Variants in SHLD2 observed in about 807,000 individuals in gnomAD.
SHLD2 encodes shieldin complex subunit 2.
A neutral mutation model predicts 73.2 loss-of-function variants in SHLD2; 30 were observed. That is an observed-to-expected ratio of 0.41 (90% CI 0.31 to 0.56). SHLD2 has a LOEUF of 0.56. Ranked by LOEUF, SHLD2 falls within the 20% of genes least tolerant of loss-of-function variation. SHLD2 has a pLI of 0.28. For synonymous variants in SHLD2, 285 were observed against 370.1 expected (o/e 0.77, Z 2.64); for missense variants, 745 against 1,055.9 (o/e 0.71, Z 4.08).
At chr10:87,095,025 G>T (rs1841706863), upstream of SHLD2, among the ~76,000 whole-genome samples, 1 of 145,650 alleles carries the variant, frequency 6.9e-6, no homozygotes, top group South Asian at 2.1e-4. Context: ...AGCGCGCGCC[G>T]GCGGGGCGTC....
At position 87,152,158 on chromosome 10, in the gene SHLD2, G is replaced by T. The variant is rs759668333; in HGVS notation, c.804G>T (p.Gly268=). The T allele has an allele frequency of 3.7e-6, 6 of 1,611,054 alleles. No individual in the cohort carries two copies. The highest frequency in any genetic ancestry group is 2.2e-5 in the South Asian group (2 of 90,912). The change falls in exon 3 of 10, where the codon GGG becomes GGT. Residue 268 remains glycine, a synonymous_variant. Coordinates refer to ENST00000298786, the MANE Select transcript of SHLD2 (RefSeq NM_001330112.2). ...KDKRRSPVNK[G]NVNMETEPKA... ...AAAGGCGGAGTCCTGTAAATAAAGGGAATGTAAACATGGAGACTGAACCAA... is the reference window on the plus strand; with the variant it reads ...AAAGGCGGAGTCCTGTAAATAAAGGTAATGTAAACATGGAGACTGAACCAA...
chr10:87,107,777 T>C (rs1032883053), intron 2 of SHLD2, among the ~76,000 whole-genome samples: 32 of 152,218 alleles, frequency 2.1e-4, no homozygotes, highest in Admixed American at 5.9e-4. Flanking sequence ...GAAAACCCAA[T>C]TGGAAGTATA....
chr10:87,175,201 A>T (rs1200453972), intron 6 of SHLD2, among the ~76,000 whole-genome samples: 1 of 152,000 alleles, frequency 6.6e-6, no homozygotes, highest in Non-Finnish European at 1.5e-5. Context: ...AGAAAAGTTA[A>T]CTAAAATAAC....
At chr10:87,141,993 C>T (rs1278555537) in intron 2 of SHLD2, among the ~76,000 whole-genome samples, 7 of 149,296 alleles carry the variant, frequency 4.7e-5, no homozygotes, top group Admixed American at 2.0e-4. Context: ...ATTGCGCCAT[C>T]GCACTCCAGC....
intron 6 of SHLD2, among the ~76,000 whole-genome samples, chr10:87,174,977 C>A (rs1220528989): frequency 6.6e-6 from 1 of 151,872 alleles, no homozygotes; most frequent in Admixed American, 6.6e-5. Context: ...TTTAGCCGGG[C>A]GTGGTGGCGG....
At position 87,129,050 on chromosome 10, in the gene SHLD2, C is replaced by T. The variant is rs9663453; in HGVS notation, c.-5-22300C>T. Among the ~76,000 whole-genome samples, 13 of 151,604 alleles carry T rather than the reference C, an allele frequency of 8.6e-5. No individual in the cohort carries two copies. In the South Asian group the frequency reaches 2.1e-3, roughly 24 times the overall value. On this transcript the variant is annotated intron_variant, in intron 2 of 9. Coordinates refer to ENST00000298786, the MANE Select transcript of SHLD2 (RefSeq NM_001330112.2). ...CCTACCCAGTAGCTGGAATTACAGG[C>T]GTGCATCACCACGCCAAGCCAATTT...
At chr10:87,128,683 G>C (rs995282648) in intron 2 of SHLD2, among the ~76,000 whole-genome samples, 4 of 152,126 alleles carry the variant, frequency 2.6e-5, no homozygotes, top group African/African-American at 4.8e-5. Context: ...TATGCCTGTT[G>C]AAAGTACAAA....
Position 87,190,724 on chromosome 10 carries a change from C to T in SHLD2, c.*41C>T, listed in dbSNP as rs780369790. 2.9e-5 allele frequency: 43 copies of T among 1,483,148 alleles called. No homozygotes were observed. The highest frequency in any genetic ancestry group is 2.6e-4 in the South Asian group (23 of 88,116). The allele number at this position is 1,483,148 out of a possible 1,614,324, so 91.9% of individuals were successfully genotyped here. A position where few individuals can be genotyped will look rare whatever the true frequency, so the allele number is the denominator to read the frequency against. On this transcript the variant is annotated 3_prime_UTR_variant, in exon 10 of 10. Coordinates refer to ENST00000298786, the MANE Select transcript of SHLD2 (RefSeq NM_001330112.2). Reference sequence around the variant, plus strand: ...TTGCAGGCATTTCAAGGAAGAAGTACTGAAATGATTTGTCTTTTGAAATAA... The same window carrying T: ...TTGCAGGCATTTCAAGGAAGAAGTATTGAAATGATTTGTCTTTTGAAATAA...
chr10:87,189,401 A>T (rs1275211589), intron 9 of SHLD2, among the ~76,000 whole-genome samples: 6 of 152,262 alleles, frequency 3.9e-5, no homozygotes, highest in East Asian at 1.9e-4. Flanking sequence ...TCTTGAGACA[A>T]TTAAAGTTGT....
chr10:87,169,493 C>T (rs1441651534), intron 4 of SHLD2, among the ~76,000 whole-genome samples: 1 of 152,086 alleles, frequency 6.6e-6, no homozygotes, highest in Non-Finnish European at 1.5e-5. Context: ...CTTATTAAAA[C>T]ATGGTCAGTC....
chr10:87,185,053 T>G (rs1226364105), intron 8 of SHLD2, among the ~76,000 whole-genome samples: 1 of 152,180 alleles, frequency 6.6e-6, no homozygotes, highest in Non-Finnish European at 1.5e-5. Context: ...TTACAAAGCC[T>G]CATACTCATT....
intron 2 of SHLD2, among the ~76,000 whole-genome samples, chr10:87,143,544 A>G (rs1589545080): frequency 6.6e-6 from 1 of 152,130 alleles, no homozygotes. Context: ...TAGTTTTTAG[A>G]CAAAATTCAA....
At chr10:87,134,052 G>T (rs3129437) in intron 2 of SHLD2, among the ~76,000 whole-genome samples, 48,400 of 151,992 alleles carry the variant, frequency 0.32, 8,462 homozygotes, top group East Asian at 0.74. Context: ...GTGACTGAGA[G>T]CTGGTCAATC....
At chr10:87,110,911 T>G (rs968298519) in intron 2 of SHLD2, among the ~76,000 whole-genome samples, 1 of 151,158 alleles carries the variant, frequency 6.6e-6, no homozygotes, top group African/African-American at 2.4e-5. Context: ...TGGTGCCATC[T>G]TGGTTCACTG....
At chr10:87,177,475 C>A (rs1334380272) in intron 7 of SHLD2, among the ~76,000 whole-genome samples, 1 of 152,086 alleles carries the variant, frequency 6.6e-6, no homozygotes, top group Admixed American at 6.6e-5. Flanking sequence ...AAAACTGTGC[C>A]ATTAAAATCA....
At chr10:87,097,815 A>AG (rs1370816553) in intron 2 of SHLD2, among the ~76,000 whole-genome samples, 1 of 151,920 alleles carries the variant, frequency 6.6e-6, no homozygotes, top group Admixed American at 6.6e-5. Context: ...GCTGGAGTGC[A>AG]GTGGTGCAAT....
chr10:87,143,566 T>C (rs1259784362), intron 2 of SHLD2, among the ~76,000 whole-genome samples: 6 of 152,172 alleles, frequency 3.9e-5, no homozygotes, highest in Non-Finnish European at 5.9e-5. Context: ...CTTATTTCAG[T>C]TAGTATTTCA....
chr10:87,177,465 A>C (rs1448170001), intron 7 of SHLD2, among the ~76,000 whole-genome samples: 1 of 152,092 alleles, frequency 6.6e-6, no homozygotes, highest in Non-Finnish European at 1.5e-5. Context: ...AAGCCATGCC[A>C]AAACTGTGCC....
chr10:87,151,717 A>G lies in SHLD2; in HGVS notation c.363A>G (p.Gln121=), dbSNP rs1846024864. The G allele has an allele frequency of 2.5e-6, 4 of 1,611,962 alleles. No homozygotes were observed. The highest frequency in any genetic ancestry group is 3.4e-6 in the Non-Finnish European group (4 of 1,179,820). The change falls in exon 3 of 10, where the codon CAA becomes CAG. Residue 121 remains glutamine, a synonymous_variant. Coordinates refer to ENST00000298786, the MANE Select transcript of SHLD2 (RefSeq NM_001330112.2). ...RLSDITSSNM[Q]ICGFKSTVPH... is the part of the protein sequence containing the mutation. ...GTGATATAACTAGCTCTAATATGCA[A>G]ATATGTGGATTTAAAAGCACAGTTC...
Sources: allele counts gnomAD v4.1 joint callset (sites outside exome capture counted in the v4.1 genomes callset), GRCh38; gene constraint gnomAD v4.1.1; transcripts MANE v1.5; gene names NCBI Gene and HGNC (gene_info 2026-07-23, HGNC 2026-07-21).